Variants in USP46 observed in about 807,000 individuals in gnomAD.
USP46 encodes ubiquitin carboxyl-terminal hydrolase 46.
Under a neutral mutation model 44.4 loss-of-function variants are expected in USP46, and 12 were observed. That is an observed-to-expected ratio of 0.27 (90% CI 0.17 to 0.44). USP46 has a LOEUF of 0.44. USP46 is among the 20% of genes least tolerant of loss of function. USP46 has a pLI of 1.00. For missense variants in USP46, 248 were observed against 444.8 expected, an observed-to-expected ratio of 0.56 and a Z score of 3.98; for synonymous variants, 155 against 161.5, an observed-to-expected ratio of 0.96 and a Z score of 0.31.
At chr4:52,618,321 T>A (rs546811706) in intron 4 of USP46, among the ~76,000 whole-genome samples, 112 of 152,242 alleles carry the variant, frequency 7.4e-4, no homozygotes, top group African/African-American at 2.6e-3. Context: ...AAACCCTGTC[T>A]TTACTAAAAA....
At chr4:52,632,681 T>C (rs1717879162) in intron 1 of USP46, among the ~76,000 whole-genome samples, 3 of 150,898 alleles carry the variant, frequency 2.0e-5, no homozygotes, top group African/African-American at 7.3e-5. Flanking sequence ...ACTTAGCAGG[T>C]AGCACAAACC....
chr4:52,631,168 T>A, intron 1 of USP46, 24 bp from the exon 2 acceptor site: 1 of 1,533,174 alleles, frequency 6.5e-7, no homozygotes, highest in Non-Finnish European at 8.8e-7. Flanking sequence ...ATAGCAAAAG[T>A]TCTGTTGCAT....
intron 4 of USP46, among the ~76,000 whole-genome samples, chr4:52,614,532 G>T (rs1022862021): frequency 1.3e-5 from 2 of 152,166 alleles, no homozygotes; most frequent in Non-Finnish European, 2.9e-5. Flanking sequence ...AGAAAAAAAT[G>T]ATTAGCCTGG....
intron 6 of USP46, among the ~76,000 whole-genome samples, chr4:52,602,862 T>C (rs1192734204): frequency 2.0e-5 from 3 of 152,122 alleles, no homozygotes; most frequent in Admixed American, 6.5e-5. Flanking sequence ...AGAAAAGTTT[T>C]TTTACTAGGT....
At chr4:52,649,155 C>T (rs938103326) in intron 1 of USP46, among the ~76,000 whole-genome samples, 2 of 152,196 alleles carry the variant, frequency 1.3e-5, no homozygotes, top group Non-Finnish European at 2.9e-5. Context: ...AAGTGCCCCA[C>T]TAAATGTGGA....
chr4:52,643,081 T>A (rs979677851), intron 1 of USP46, among the ~76,000 whole-genome samples: 4 of 152,180 alleles, frequency 2.6e-5, no homozygotes, highest in African/African-American at 4.8e-5. Flanking sequence ...GGAACGAAAT[T>A]ATTTATTTTA....
chr4:52,619,936 G>T (rs1393951975), intron 4 of USP46, among the ~76,000 whole-genome samples: 1 of 152,068 alleles, frequency 6.6e-6, no homozygotes, highest in East Asian at 1.9e-4. Context: ...ATCATTTCAG[G>T]GGGAAGAAAA....
chr4:52,650,851 T>G (rs1335560067), intron 1 of USP46: 1 of 152,074 alleles, frequency 6.6e-6, no homozygotes, highest in Non-Finnish European at 1.5e-5. Flanking sequence ...GTAATCCCAG[T>G]ACTTTGGGAG....
intron 1 of USP46, chr4:52,658,186 A>C (rs1365341494): frequency 2.2e-6 from 1 of 454,416 alleles, no homozygotes; most frequent in East Asian, 6.9e-5. Context: ...TGCAAGGGAC[A>C]GCAATGCCTT....
At chr4:52,610,227 A>G (rs939771985) in intron 5 of USP46, among the ~76,000 whole-genome samples, 2 of 151,578 alleles carry the variant, frequency 1.3e-5, no homozygotes, top group Admixed American at 1.3e-4. Context: ...CCCGGCCTCA[A>G]TTCTATTTCT....
rs914862466 is a variant in USP46, at chr4:52,659,049, C to G, written c.36+66G>C. On this transcript the variant is annotated intron_variant, in intron 1 of 8. Transcript: ENST00000441222. The surrounding 1 kb of genome is among the most constrained non-coding windows in gnomAD (Gnocchi z 4.2). ...CCCCAGCCACCGGGCGTGTGTGCAG[C>G]TCGGGCTTCCCTTTCTTTGCCTCGC... The G allele has an allele frequency of 6.6e-7, 1 of 1,510,280 alleles. No homozygotes were observed. Among genetic ancestry groups the G allele is most frequent in the African/African-American group, 1.4e-5 (1 of 69,260 alleles). 93.6% of individuals were successfully genotyped at this position (1,510,280 alleles called of 1,614,324 possible).
intron 1 of USP46, among the ~76,000 whole-genome samples, chr4:52,639,746 G>A (rs1718258998): frequency 6.6e-6 from 1 of 151,976 alleles, no homozygotes; most frequent in Non-Finnish European, 1.5e-5. Flanking sequence ...GCCCAGGCTG[G>A]AGTGCAGTGG....
In USP46 at chr4:52,610,576, A is replaced by G; in HGVS notation, c.603T>C (p.Asp201=). Residue 201 remains aspartate, a synonymous_variant, in exon 5 of 9, where the codon GAT becomes GAC. Transcript: ENST00000441222. ...KDEDFLDLSV[D]VEQNTSITHC... ...GGGTAATGGATGTATTCTGCTCCAC[A>G]TCAACAGAAAGGTCAAGAAAATCTT... 1 of 1,613,972 alleles carries G rather than the reference A, an allele frequency of 6.2e-7. No homozygotes were observed. Among genetic ancestry groups the G allele is most frequent in the Non-Finnish European group, 8.5e-7 (1 of 1,179,874 alleles).
chr4:52,624,552 G>A (rs1717502674), intron 4 of USP46, among the ~76,000 whole-genome samples: 1 of 152,142 alleles, frequency 6.6e-6, no homozygotes, highest in Admixed American at 6.5e-5. Flanking sequence ...TTAAAAGCAT[G>A]GAAGAAAGAC....
intron 5 of USP46, among the ~76,000 whole-genome samples, chr4:52,608,997 T>C (rs575845434): frequency 1.3e-5 from 2 of 152,156 alleles, no homozygotes; most frequent in African/African-American, 4.8e-5. Flanking sequence ...AAACTTCACA[T>C]AGTTTAAGTT....
chr4:52,614,460 G>A (rs565406880), intron 4 of USP46, among the ~76,000 whole-genome samples: 1 of 152,326 alleles, frequency 6.6e-6, no homozygotes. Context: ...CCAATTGGCA[G>A]CTGACCTCTC....
chr4:52,648,409 TAA>T (rs2109663963), intron 1 of USP46, among the ~76,000 whole-genome samples: 1 of 152,282 alleles, frequency 6.6e-6, no homozygotes, highest in East Asian at 1.9e-4. Context: ...TAGAAAAGCA[TAA>T]AATTAGCTCA....
At position 52,592,970 on chromosome 4, in the gene USP46, C is replaced by G; in HGVS notation, c.*4670G>C. 2.5e-6 allele frequency: 1 copy of G among 398,734 alleles called. No homozygotes were observed. The highest frequency in any genetic ancestry group is 4.4e-6 in the Non-Finnish European group (1 of 226,184). 24.7% of individuals were successfully genotyped at this position (398,734 alleles called of 1,614,324 possible). ...AAGTTTCCTGAGGCCTCCCCCAGAA[C>G]AGAAGCCTGTACAGCCCATAAAACC... On this transcript the variant is annotated 3_prime_UTR_variant, in exon 9 of 9. Transcript: ENST00000441222.
chr4:52,631,714 A>G (rs1308388945), intron 1 of USP46, among the ~76,000 whole-genome samples: 1 of 152,168 alleles, frequency 6.6e-6, no homozygotes, highest in Non-Finnish European at 1.5e-5. Flanking sequence ...TTTAAAAATA[A>G]TAGTGCAGGG....
Sources: allele counts gnomAD v4.1 joint callset (sites outside exome capture counted in the v4.1 genomes callset), GRCh38; gene constraint gnomAD v4.1.1; non-coding constraint Gnocchi (gnomAD v3.1); transcripts MANE v1.5; gene names NCBI Gene and HGNC (gene_info 2026-07-23, HGNC 2026-07-21).